EDEM3: variants seen among roughly 807,000 people sequenced by gnomAD.
The protein encoded by EDEM3 is ER degradation-enhancing alpha-mannosidase-like protein 3.
In EDEM3, 60 loss-of-function variants were observed where a neutral mutation model predicts 110.2. The observed-to-expected ratio is 0.54, with a 90% CI of 0.44 to 0.67. The LOEUF (loss-of-function observed/expected upper bound fraction) is 0.67. EDEM3 is among the 30% of genes least tolerant of loss of function. The pLI is 0.00. For synonymous variants in EDEM3, 352 were observed against 382.9 expected (o/e 0.92, Z 0.94); for missense variants, 996 against 1,121.0 (o/e 0.89, Z 1.59).
At chr1:184,705,948 A>G (rs967679458) in intron 18 of EDEM3, among the ~76,000 whole-genome samples, 14 of 152,154 alleles carry the variant, frequency 9.2e-5, no homozygotes, top group Admixed American at 9.2e-4. Flanking sequence ...AAAGGTGGTA[A>G]CTTGTCATTT....
chr1:184,720,265 A>G (rs1650811720), intron 9 of EDEM3, among the ~76,000 whole-genome samples: 2 of 149,844 alleles, frequency 1.3e-5, no homozygotes, highest in Admixed American at 1.3e-4. Flanking sequence ...ATTAACTTTT[A>G]CTAATTTTTT....
intron 19 of EDEM3, chr1:184,701,439 C>T: frequency 9.2e-7 from 1 of 1,091,118 alleles, no homozygotes; most frequent in Non-Finnish European, 1.2e-6. Flanking sequence ...TGTGTGTACA[C>T]ACACCCAAAT....
At chr1:184,712,163 T>C (rs1000756346) in intron 14 of EDEM3, among the ~76,000 whole-genome samples, 3 of 152,072 alleles carry the variant, frequency 2.0e-5, no homozygotes, top group Admixed American at 6.5e-5. Flanking sequence ...CCTGACCTTG[T>C]GATCCACCTA....
At chr1:184,733,531 T>C (rs1046853814) in intron 5 of EDEM3, among the ~76,000 whole-genome samples, 2 of 152,162 alleles carry the variant, frequency 1.3e-5, no homozygotes, top group African/African-American at 2.4e-5. Flanking sequence ...TGTAATTTCA[T>C]CTTTTCAAAA....
rs1435378009 is a variant in EDEM3 at position 184,708,210 on chromosome 1, C to T, written c.1980G>A (p.Arg660=). ...VQIVSHPFFG[R]VVLTAGPAQF... ...GAGCTGGTCCAGCAGTCAATACTACCCTGCCAAAAAATGGGTGGGAAACAA... is the reference window on the plus strand; with the variant it reads ...GAGCTGGTCCAGCAGTCAATACTACTCTGCCAAAAAATGGGTGGGAAACAA... The change falls in exon 17 of 20, where the codon AGG becomes AGA. Residue 660 remains arginine, a synonymous_variant. Coordinates refer to ENST00000318130, the MANE Select transcript of EDEM3 (RefSeq NM_025191.4). 1 of 1,613,654 alleles carries T rather than the reference C, an allele frequency of 6.2e-7. No homozygotes were observed. Among genetic ancestry groups the T allele is most frequent in the African/African-American group, 1.3e-5 (1 of 74,976 alleles).
chr1:184,743,092 A>C (rs964809562), intron 2 of EDEM3, among the ~76,000 whole-genome samples: 2 of 152,232 alleles, frequency 1.3e-5, no homozygotes, highest in Non-Finnish European at 2.9e-5. Context: ...TATTAATAGC[A>C]ATTGCAACCC....
chr1:184,754,523 C>T lies in EDEM3; in HGVS notation c.124G>A (p.Glu42Lys), dbSNP rs773892037. The stretch of plus-strand genomic sequence containing the variant: ...TGTTTCTCCTCCCTACTCATGGGCT[C>T]GGCCCCCGCCGTCCACACGGAGGTG... ...SATSVWTAGA[E>K]PMSREEKQKL... The change falls in exon 1 of 20, where the codon GAG becomes AAG. Residue 42 changes from glutamate to lysine, a missense_variant. Glu to Lys is a moderately conservative substitution (Grantham distance 56). Transcript: ENST00000318130. The T allele has an allele frequency of 5.6e-6, 9 of 1,613,074 alleles. No homozygotes were observed. The African/African-American group carries it at 9.4e-5, about 17-fold the overall frequency.
Position 184,721,396 on chromosome 1 carries a change from C to A in EDEM3, c.854-10G>T. 6.4e-7 allele frequency: 1 copy of A among 1,565,562 alleles called. No homozygotes were observed. The highest frequency in any genetic ancestry group is 1.2e-5 in the South Asian group (1 of 82,902). Reference sequence around the variant, plus strand: ...GCTCCAACTCCACTATCTATGGAAACACAAATGTGATTTTTCATTAAATTT... The same window carrying A: ...GCTCCAACTCCACTATCTATGGAAAAACAAATGTGATTTTTCATTAAATTT... On this transcript the variant is annotated splice_polypyrimidine_tract_variant and intron_variant, in intron 8 of 19. Coordinates refer to ENST00000318130, the MANE Select transcript of EDEM3 (RefSeq NM_025191.4).
intron 12 of EDEM3, 21 bp from the exon 13 acceptor site, chr1:184,717,033 T>C (rs746077614): frequency 1.3e-6 from 2 of 1,566,702 alleles, no homozygotes; most frequent in East Asian, 2.3e-5. Flanking sequence ...GGAGAATATA[T>C]GTATAATATA....
chr1:184,719,910 T>C (rs576854833), intron 9 of EDEM3, among the ~76,000 whole-genome samples: 2 of 152,348 alleles, frequency 1.3e-5, no homozygotes, highest in South Asian at 4.1e-4. Flanking sequence ...CCTTGTAATA[T>C]AGCTATCAGC....
At position 184,725,532 on chromosome 1, in the gene EDEM3, T is replaced by C. The variant is rs145238869; in HGVS notation, c.747+723A>G. Among the ~76,000 whole-genome samples the C allele has an allele frequency of 5.3e-3, 813 of 152,114 alleles. 11 individuals carry two copies. Among genetic ancestry groups the C allele is most frequent in the South Asian group, 0.013 (61 of 4,824 alleles). On this transcript the variant is annotated intron_variant, in intron 7 of 19. Transcript: ENST00000318130. ...ACATACAGACATACATTCAAAGGCA[T>C]ACATACATACAAAGTCAATTTGTTT...
intron 12 of EDEM3, among the ~76,000 whole-genome samples, chr1:184,717,330 T>C (rs1650607282): frequency 6.6e-6 from 1 of 152,086 alleles, no homozygotes; most frequent in Non-Finnish European, 1.5e-5. Context: ...AAGAAATGTT[T>C]ACATAATATT....
rs142391832 is a variant in EDEM3, at chr1:184,711,821, A to T, written c.1593T>A (p.Thr531=). The T allele has an allele frequency of 7.1e-5, 115 of 1,613,460 alleles. No homozygotes were observed. The African/African-American group carries it at 1.2e-3, about 16-fold the overall frequency. ...DSNFDWTCPN[T]QILFPNDPLY... Reference sequence around the variant, plus strand: ...ATGGGTCATTAGGAAAGAGGATCTGAGTATTTGGACAAGTCCAATCGAAGT... The same window carrying T: ...ATGGGTCATTAGGAAAGAGGATCTGTGTATTTGGACAAGTCCAATCGAAGT... Residue 531 remains threonine (T), a synonymous_variant, in exon 15 of 20, where the codon ACT becomes ACA. Coordinates refer to ENST00000318130, the MANE Select transcript of EDEM3 (RefSeq NM_025191.4).
At chr1:184,736,189 A>AT (rs1203478726) in intron 4 of EDEM3, among the ~76,000 whole-genome samples, 2 of 151,798 alleles carry the variant, frequency 1.3e-5, no homozygotes, top group African/African-American at 2.4e-5. Flanking sequence ...AGGAGGACCT[A>AT]TTTTTTTTAA....
At chr1:184,710,955 C>T (rs920164720) in intron 15 of EDEM3, among the ~76,000 whole-genome samples, 9 of 152,116 alleles carry the variant, frequency 5.9e-5, no homozygotes, top group African/African-American at 2.2e-4. Context: ...AAAGTCCTTG[C>T]AATGGCCTAA....
chr1:184,729,441 G>T (rs1053256038), intron 6 of EDEM3, among the ~76,000 whole-genome samples: 4 of 152,036 alleles, frequency 2.6e-5, no homozygotes, highest in African/African-American at 9.7e-5. Context: ...TTGTAATGAG[G>T]TCTTATCTGA....
At chr1:184,701,559 G>A (rs1315881183) in intron 19 of EDEM3, 26 of 1,279,196 alleles carry the variant, frequency 2.0e-5, no homozygotes, top group Non-Finnish European at 2.5e-5. Flanking sequence ...AATTCCAGTG[G>A]TAGCACAAAA....
Position 184,719,499 on chromosome 1 carries a change from T to G in EDEM3, c.1021A>C (p.Met341Leu). ...LLLDVHIHKP[M>L]LNARTWMDAL... The stretch of plus-strand genomic sequence containing the variant: ...TCCATCCAAGTCCGAGCATTCAGCA[T>G]TGGTTTGTGGATATGCACATCAAGT... Residue 341 changes from methionine to leucine, a missense_variant, in exon 10 of 20, where the codon ATG (methionine) becomes CTG (leucine). Physicochemically the swap from Met to Leu is conservative, Grantham distance 15. Around this residue, in one of 5 missense-constraint regions of EDEM3, gnomAD observed 310 missense variants for 394.6 expected, o/e 0.79. Transcript: ENST00000318130. 2 of 1,613,938 alleles carry G rather than the reference T, an allele frequency of 1.2e-6. No individual in the cohort carries two copies. Among genetic ancestry groups the G allele is most frequent in the Non-Finnish European group, 1.7e-6 (2 of 1,179,960 alleles).
rs1296087378 is a variant in EDEM3 at position 184,691,418 on chromosome 1, T to A, written c.*2645A>T. 6.6e-6 allele frequency: 1 copy of A among 152,538 alleles called. No individual in the cohort carries two copies. The highest frequency in any genetic ancestry group is 1.5e-5 in the Non-Finnish European group (1 of 67,986). The allele number at this position is 152,538 out of a possible 1,614,324, so 9.4% of individuals were successfully genotyped here. A position where few individuals can be genotyped will look rare whatever the true frequency, so the allele number is the denominator to read the frequency against. On this transcript the variant is annotated 3_prime_UTR_variant, in exon 20 of 20. Transcript: ENST00000318130. ...ATCTCTTAAAGGATTTCAGCTAAAA[T>A]CCTTGATTCCAGATTTGTAAACATT...
Sources: allele counts gnomAD v4.1 joint callset (sites outside exome capture counted in the v4.1 genomes callset), GRCh38; gene constraint gnomAD v4.1.1; regional missense constraint gnomAD v4.1.1; transcripts MANE v1.5; gene names NCBI Gene and HGNC (gene_info 2026-07-23, HGNC 2026-07-21).